Variants in SUMF1 observed in about 807,000 individuals in gnomAD.
SUMF1 encodes formylglycine-generating enzyme.
A neutral mutation model predicts 47.6 loss-of-function variants in SUMF1; 48 were observed. The ratio of observed to expected loss-of-function variants is 1.01; its 90% CI spans 0.80 to 1.28. SUMF1 has a LOEUF of 1.28. Ranked by LOEUF, SUMF1 falls within the 50% of genes most tolerant of loss-of-function variation. SUMF1 has a pLI of 0.00. For missense variants in SUMF1, 571 were observed against 485.4 expected (o/e 1.18, Z -1.66); for synonymous variants, 230 against 192.1 (o/e 1.20, Z -1.63).
intron 8 of SUMF1, among the ~76,000 whole-genome samples, chr3:4,254,349 A>C (rs1347970654): frequency 6.6e-6 from 1 of 151,584 alleles, no homozygotes; most frequent in Non-Finnish European, 1.5e-5. Context: ...AAAGGCAAAG[A>C]AGTTGAAAAC....
chr3:4,058,120 T>G (rs1306832065), intron 9 of SUMF1, among the ~76,000 whole-genome samples: 1 of 152,154 alleles, frequency 6.6e-6, no homozygotes, highest in Non-Finnish European at 1.5e-5. Context: ...AGAAAACTGA[T>G]GCATTGAAAG....
At chr3:4,398,456 C>A (rs1175353096) in intron 7 of SUMF1, among the ~76,000 whole-genome samples, 1 of 152,192 alleles carries the variant, frequency 6.6e-6, no homozygotes, top group Non-Finnish European at 1.5e-5. Flanking sequence ...TATATATTTT[C>A]TCTTCTTAAT....
chr3:4,140,183 T>C (rs138943696), intron 8 of SUMF1, among the ~76,000 whole-genome samples: 51 of 152,220 alleles, frequency 3.4e-4, no homozygotes, highest in Admixed American at 2.3e-3. Context: ...ATACCTGGGA[T>C]AGAATTTATA....
intron 8 of SUMF1, among the ~76,000 whole-genome samples, chr3:4,256,799 C>A (rs1256727162): frequency 6.6e-6 from 1 of 150,828 alleles, no homozygotes; most frequent in Non-Finnish European, 1.5e-5. Flanking sequence ...CGGGCAGAGA[C>A]ACAACCAAAA....
At chr3:4,358,874 A>G (rs77034235), downstream of SUMF1, among the ~76,000 whole-genome samples, 4,455 of 152,296 alleles carry the variant, frequency 0.029, 202 homozygotes, top group African/African-American at 0.1. Context: ...AGAAGAAAGA[A>G]GGTGCCTCAA....
chr3:4,392,637 ATATC>A (rs536392500), intron 7 of SUMF1, among the ~76,000 whole-genome samples: 6,198 of 148,136 alleles, frequency 0.042, 262 homozygotes, highest in East Asian at 0.25. Flanking sequence ...ATATATATAT[ATATC>A]TACCTATATA....
intron 8 of SUMF1, among the ~76,000 whole-genome samples, chr3:4,216,682 C>A (rs959359299): frequency 5.9e-5 from 9 of 152,180 alleles, no homozygotes; most frequent in African/African-American, 2.2e-4. Flanking sequence ...AAAAAAACAA[C>A]CCCATCAAAA....
At chr3:4,377,424 G>A (rs962694933) in intron 7 of SUMF1, among the ~76,000 whole-genome samples, 1 of 152,126 alleles carries the variant, frequency 6.6e-6, no homozygotes. Flanking sequence ...ATCCAACCTT[G>A]GAGGTAGGTT....
At chr3:4,247,578 T>C (rs1696698292) in intron 8 of SUMF1, among the ~76,000 whole-genome samples, 1 of 151,230 alleles carries the variant, frequency 6.6e-6, no homozygotes, top group Non-Finnish European at 1.5e-5. Flanking sequence ...GCTGGAGATT[T>C]GTAGTGCTAG....
At chr3:4,221,954 T>G (rs1696075399) in intron 8 of SUMF1, among the ~76,000 whole-genome samples, 1 of 152,024 alleles carries the variant, frequency 6.6e-6, no homozygotes, top group Non-Finnish European at 1.5e-5. Flanking sequence ...GATTTTTTTT[T>G]GCAAGCACTA....
intron 6 of SUMF1, among the ~76,000 whole-genome samples, chr3:4,415,384 C>T (rs945263212): frequency 2.0e-5 from 3 of 152,154 alleles, no homozygotes; most frequent in African/African-American, 7.2e-5. Context: ...GAGAAAGGAA[C>T]TCTTGTACAC....
At chr3:4,337,955 A>G (rs1280609227) in intron 8 of SUMF1, among the ~76,000 whole-genome samples, 1 of 152,168 alleles carries the variant, frequency 6.6e-6, no homozygotes, top group Non-Finnish European at 1.5e-5. Flanking sequence ...AAGGATAAAA[A>G]ATCAAGGGCA....
At chr3:4,455,660 T>C (rs1236159692) in intron 1 of SUMF1, among the ~76,000 whole-genome samples, 1 of 152,162 alleles carries the variant, frequency 6.6e-6, no homozygotes, top group East Asian at 1.9e-4. Flanking sequence ...GAGGTTGCAG[T>C]GAGCTGAGAT....
intron 3 of SUMF1, among the ~76,000 whole-genome samples, chr3:4,430,780 A>G (rs1702208732): frequency 1.3e-5 from 2 of 152,088 alleles, no homozygotes; most frequent in African/African-American, 2.4e-5. Context: ...GGGGCACCCA[A>G]TCAAAGTCAG....
At chr3:4,236,014 C>T (rs76915875) in intron 8 of SUMF1, among the ~76,000 whole-genome samples, 2,591 of 152,110 alleles carry the variant, frequency 0.017, 93 homozygotes, top group African/African-American at 0.059. Flanking sequence ...AGGATTTTGG[C>T]TCACCATAAC....
intron 8 of SUMF1, among the ~76,000 whole-genome samples, chr3:4,071,231 G>C (rs1455231151): frequency 7.7e-6 from 1 of 130,460 alleles, no homozygotes; most frequent in African/African-American, 2.9e-5. Flanking sequence ...CAGCGAGATC[G>C]ACACAGAAGA....
intron 8 of SUMF1, among the ~76,000 whole-genome samples, chr3:4,239,481 G>T (rs1696488884): frequency 6.6e-6 from 1 of 152,114 alleles, no homozygotes; most frequent in Non-Finnish European, 1.5e-5. Flanking sequence ...CCTCGAGGAG[G>T]TCCTTCACAT....
intron 7 of SUMF1, among the ~76,000 whole-genome samples, chr3:4,391,698 G>T (rs979077046): frequency 1.3e-5 from 2 of 152,122 alleles, no homozygotes; most frequent in African/African-American, 4.8e-5. Context: ...GCCCAGGCTG[G>T]TCTCGAACTC....
At chr3:4,250,049 T>C (rs1007287633) in intron 8 of SUMF1, among the ~76,000 whole-genome samples, 3 of 151,954 alleles carry the variant, frequency 2.0e-5, no homozygotes, top group Non-Finnish European at 4.4e-5. Flanking sequence ...CCAGGCATAG[T>C]GGCACACACC....
Sources: allele counts gnomAD v4.1 joint callset (sites outside exome capture counted in the v4.1 genomes callset), GRCh38; gene constraint gnomAD v4.1.1; transcripts MANE v1.5; gene names NCBI Gene and HGNC (gene_info 2026-07-23, HGNC 2026-07-21).